STK39: variants seen among roughly 807,000 people sequenced by gnomAD.
STK39 encodes serine/threonine kinase 39.
STK39 carries 20 observed loss-of-function variants against 77.8 expected under a neutral mutation model. The ratio of observed to expected loss-of-function variants is 0.26; its 90% CI spans 0.18 to 0.37. The LOEUF is 0.37. Among genes scored for constraint, STK39 ranks in the 10% least tolerant of loss-of-function variants. The pLI, the probability that STK39 is intolerant of heterozygous loss-of-function variation, is 1.00. For missense variants in STK39, 479 were observed against 656.5 expected (o/e 0.73, Z 2.95); for synonymous variants, 246 against 234.1 (o/e 1.05, Z -0.47).
intron 14 of STK39, among the ~76,000 whole-genome samples, chr2:168,058,982 G>A (rs1378939519): frequency 2.6e-5 from 4 of 152,316 alleles, no homozygotes; most frequent in South Asian, 4.1e-4. Flanking sequence ...ACAGCCCTAC[G>A]TGATTTGGCC....
Position 168,176,765 on chromosome 2 carries a change from G to A in STK39, c.321+5213C>T, listed in dbSNP as rs544757127. On this transcript the variant is annotated intron_variant, in intron 2 of 17. Coordinates refer to ENST00000355999, the MANE Select transcript of STK39 (RefSeq NM_013233.3). Reference sequence around the variant, plus strand: ...AGAAACTCTTTCATTATGTTCATAGGAGAAAAAAATGATACACTGTGTACC... The same window carrying A: ...AGAAACTCTTTCATTATGTTCATAGAAGAAAAAAATGATACACTGTGTACC... 1.1e-3 allele frequency among the ~76,000 whole-genome samples: 164 copies of A among 152,122 alleles called. 1 individual carries two copies. The highest frequency in any genetic ancestry group is 3.8e-3 in the African/African-American group (156 of 41,500).
At chr2:168,210,777 C>T (rs148794948) in intron 1 of STK39, among the ~76,000 whole-genome samples, 177 of 152,314 alleles carry the variant, frequency 1.2e-3, no homozygotes, top group Middle Eastern at 6.8e-3. Flanking sequence ...ACCTCAGCCT[C>T]CCTAAGTGCT....
intron 1 of STK39, among the ~76,000 whole-genome samples, chr2:168,219,648 C>A (rs920705533): frequency 3.3e-5 from 5 of 152,130 alleles, no homozygotes; most frequent in African/African-American, 1.2e-4. Context: ...GGCAAGCAAG[C>A]ACTCCTCTCA....
At chr2:168,236,111 C>G (rs1690599619) in intron 1 of STK39, among the ~76,000 whole-genome samples, 1 of 152,038 alleles carries the variant, frequency 6.6e-6, no homozygotes, top group African/African-American at 2.4e-5. Context: ...TCCTCTCCAG[C>G]ACCTGTTGTT....
Position 168,238,669 on chromosome 2 carries a change from G to A in STK39, c.208+8559C>T, listed in dbSNP as rs960933433. Among the ~76,000 whole-genome samples, 20 of 152,228 alleles carry A rather than the reference G, an allele frequency of 1.3e-4. No homozygotes were observed. In the East Asian group the frequency reaches 1.3e-3, roughly 10 times the overall value. On this transcript the variant is annotated intron_variant, in intron 1 of 17. Coordinates refer to ENST00000355999, the MANE Select transcript of STK39 (RefSeq NM_013233.3). Reference sequence around the variant, plus strand: ...GTGAAACATATCATTTACTCACATCGGATTCCAAAGTATTTATCTAAATCG... The same window carrying A: ...GTGAAACATATCATTTACTCACATCAGATTCCAAAGTATTTATCTAAATCG...
At position 168,247,385 on chromosome 2, in the gene STK39, C is replaced by T. The variant is rs1396258523; in HGVS notation, c.51G>A (p.Ala17=). The T allele has an allele frequency of 7.0e-6, 8 of 1,137,252 alleles. No individual in the cohort carries two copies. Among genetic ancestry groups the T allele is most frequent in the African/African-American group, 4.9e-5 (3 of 61,542 alleles). 70.4% of individuals were successfully genotyped at this position (1,137,252 alleles called of 1,614,324 possible). A position where few individuals can be genotyped will look rare whatever the true frequency, so the allele number is the denominator to read the frequency against. ...CCGCCGCCGCCGCTGTCACCGGGGCCGCCTGCTGGGGAAGCTGGACGTGCA... is the reference window on the plus strand; with the variant it reads ...CCGCCGCCGCCGCTGTCACCGGGGCTGCCTGCTGGGGAAGCTGGACGTGCA... ...SPVHVQLPQQ[A]APVTAAAAAA... is the part of the protein sequence containing the mutation. The change falls in exon 1 of 18, where the codon GCG becomes GCA. Residue 17 remains alanine, a synonymous_variant. Coordinates refer to ENST00000355999, the MANE Select transcript of STK39 (RefSeq NM_013233.3).
At chr2:168,049,497 G>C (rs569899017) in intron 14 of STK39, among the ~76,000 whole-genome samples, 1 of 152,306 alleles carries the variant, frequency 6.6e-6, no homozygotes, top group East Asian at 1.9e-4. Context: ...GGACCTACCA[G>C]GATCAGATAA....
chr2:168,065,218 G>C (rs747644606), intron 13 of STK39, 101 bp downstream of exon 13: 36 of 1,253,634 alleles, frequency 2.9e-5, no homozygotes, highest in Non-Finnish European at 3.8e-5. Flanking sequence ...CCCTTGATTT[G>C]GAGGCACTAC....
At chr2:168,079,779 C>T (rs529276822) in intron 10 of STK39, among the ~76,000 whole-genome samples, 1 of 152,374 alleles carries the variant, frequency 6.6e-6, no homozygotes, top group Admixed American at 6.5e-5. Context: ...TAGCCCCTTG[C>T]CCCTAGCTGG....
intron 17 of STK39, among the ~76,000 whole-genome samples, chr2:167,963,128 G>C (rs1015440865): frequency 6.6e-6 from 1 of 152,210 alleles, no homozygotes; most frequent in Non-Finnish European, 1.5e-5. Context: ...CAAACTGGTG[G>C]CAGGAAGATT....
chr2:167,972,786 C>G (rs1362967399), intron 16 of STK39, among the ~76,000 whole-genome samples: 12 of 151,930 alleles, frequency 7.9e-5, no homozygotes, highest in Admixed American at 3.3e-4. Context: ...TGCCAGAGAC[C>G]CCATTTGGAA....
rs903223660 is a variant in STK39 at position 168,036,716 on chromosome 2, T to C, written c.1377-19621A>G. ...CACTCAGATACCTGCTTCTGCTTTC[T>C]AAAAGCCAGTAAGGAAACGTAGCAA... On this transcript the variant is annotated intron_variant, in intron 14 of 17. Coordinates refer to ENST00000355999, the MANE Select transcript of STK39 (RefSeq NM_013233.3). Among the ~76,000 whole-genome samples, 3 of 152,266 alleles carry C rather than the reference T, an allele frequency of 2.0e-5. No homozygotes were observed. The South Asian group carries it at 6.2e-4, about 32-fold the overall frequency.
intron 10 of STK39, among the ~76,000 whole-genome samples, chr2:168,101,985 A>G (rs995950494): frequency 5.3e-5 from 8 of 152,008 alleles, no homozygotes; most frequent in Non-Finnish European, 1.0e-4. Flanking sequence ...ATCTACTTCT[A>G]TCTCTATGGA....
chr2:168,239,018 C>G (rs2105276116), intron 1 of STK39, among the ~76,000 whole-genome samples: 1 of 152,244 alleles, frequency 6.6e-6, no homozygotes, highest in African/African-American at 2.4e-5. Context: ...ATTAGAATGA[C>G]CCGGTTCTAT....
intron 16 of STK39, among the ~76,000 whole-genome samples, chr2:167,967,708 T>C (rs1692197460): frequency 6.6e-6 from 1 of 152,220 alleles, no homozygotes; most frequent in Non-Finnish European, 1.5e-5. Flanking sequence ...GAGCCGACAC[T>C]TTTTTGGCAA....
intron 5 of STK39, among the ~76,000 whole-genome samples, chr2:168,157,178 G>A (rs3769391): frequency 1.3e-5 from 2 of 152,058 alleles, no homozygotes; most frequent in Non-Finnish European, 2.9e-5. Flanking sequence ...AAATGAAGAT[G>A]TATTCAAGGC....
At chr2:168,159,828 T>C (rs1384808340) in intron 5 of STK39, among the ~76,000 whole-genome samples, 2 of 152,190 alleles carry the variant, frequency 1.3e-5, no homozygotes, top group African/African-American at 4.8e-5. Context: ...CCTCAGCACA[T>C]GCCAGGCATA....
Position 168,247,256 on chromosome 2 carries a change from C to T in STK39, c.180G>A (p.Arg60=). Residue 60 remains arginine, a synonymous_variant, in exon 1 of 18, where the codon AGG becomes AGA. Transcript: ENST00000355999. ...TAACCTCCTGCAGCTCGTACGCGTC[C>T]CTGCAGATGGGCCAGCCGACAGCCT... is the stretch of plus-strand genomic sequence containing the variant. ...AAQAVGWPIC[R]DAYELQEVIG... is the part of the protein sequence containing the mutation. 1 of 1,125,632 alleles carries T rather than the reference C, an allele frequency of 8.9e-7. No individual in the cohort carries two copies. The highest frequency in any genetic ancestry group is 1.1e-6 in the Non-Finnish European group (1 of 921,554). 69.7% of individuals were successfully genotyped at this position (1,125,632 alleles called of 1,614,324 possible). A position where few individuals can be genotyped will look rare whatever the true frequency, so the allele number is the denominator to read the frequency against.
intron 5 of STK39, among the ~76,000 whole-genome samples, chr2:168,143,844 T>C (rs1164729607): frequency 2.0e-5 from 3 of 152,214 alleles, no homozygotes; most frequent in African/African-American, 7.2e-5. Flanking sequence ...AATGACTTAC[T>C]TTTTATTCCC....
Sources: gnomAD v4.1 joint callset for allele counts (sites outside exome capture counted in the v4.1 genomes callset) on GRCh38, gnomAD v4.1.1 for gene constraint, MANE v1.5 for transcripts, NCBI Gene and HGNC (gene_info 2026-07-23, HGNC 2026-07-21) for gene names.